NAPB: variants seen among roughly 807,000 people sequenced by gnomAD.
NAPB encodes the protein beta-soluble NSF attachment protein.
In NAPB, 26 loss-of-function variants were observed where a neutral mutation model predicts 44.7. The ratio of observed to expected loss-of-function variants is 0.58; its 90% confidence interval spans 0.43 to 0.81. The LOEUF (loss-of-function observed/expected upper bound fraction) is 0.81. Among genes scored for constraint, NAPB ranks in the 30% least tolerant of loss-of-function variants. The probability of loss-of-function intolerance (pLI) is 0.00; values close to 1 mark genes in which losing one functional copy is unlikely to be tolerated. For synonymous variants in NAPB, 120 were observed against 116.8 expected (o/e 1.03, Z -0.18); for missense variants, 315 against 356.4 (o/e 0.88, Z 0.94).
At chr20:23,417,697 T>C (rs1187121159) in intron 1 of NAPB, among the ~76,000 whole-genome samples, 2 of 152,064 alleles carry the variant, frequency 1.3e-5, no homozygotes, top group African/African-American at 2.4e-5. Flanking sequence ...ATTCCACAAC[T>C]ACAAAAGCAC....
intron 8 of NAPB, 97 bp downstream of exon 8, chr20:23,381,116 G>C: frequency 1.2e-6 from 1 of 830,760 alleles, no homozygotes; most frequent in Admixed American, 1.9e-5. Flanking sequence ...TTTATTCTTG[G>C]TACTAACATC....
In NAPB at chr20:23,379,456, A is replaced by T; in HGVS notation, c.775T>A (p.Tyr259Asn). The T allele has an allele frequency of 6.2e-7, 1 of 1,606,502 alleles. No homozygotes were observed. Among genetic ancestry groups the T allele is most frequent in the Non-Finnish European group, 8.5e-7 (1 of 1,177,924 alleles). ...EAHEEQNSEA[Y>N]TEAVKEFDSI... ...AAAGCATAACTTACTGCTTCAGTGTAAGCTTCACTGTTCTGTTCTTCATGA... is the reference window on the plus strand; with the variant it reads ...AAAGCATAACTTACTGCTTCAGTGTTAGCTTCACTGTTCTGTTCTTCATGA... The change falls in exon 10 of 11, where the codon TAC (tyrosine) becomes AAC (asparagine). Residue 259 changes from tyrosine to asparagine, a missense_variant. This residue lies in a region of NAPB where 120 missense variants were observed against 130.5 expected (regional missense o/e 0.92). Transcript: ENST00000377026.
rs1483788223 is a variant in NAPB, at chr20:23,376,380, G to A, written c.*996C>T. 6.6e-6 allele frequency: 1 copy of A among 152,150 alleles called. No homozygotes were observed. Among genetic ancestry groups the A allele is most frequent in the East Asian group, 1.9e-4 (1 of 5,196 alleles). The allele number at this position is 152,150 out of a possible 1,614,324, so 9.4% of individuals were successfully genotyped here. A position where few individuals can be genotyped will look rare whatever the true frequency, so the allele number is the denominator to read the frequency against. ...GGTTCTTGCCCACTTGGGCATACAG[G>A]ACATTCCTGTACCACATTCACCCCA... On this transcript the variant is annotated 3_prime_UTR_variant, in exon 11 of 11. Transcript: ENST00000377026.
chr20:23,415,206 T>C (rs2123264696), intron 1 of NAPB, among the ~76,000 whole-genome samples: 1 of 152,324 alleles, frequency 6.6e-6, no homozygotes, highest in African/African-American at 2.4e-5. Flanking sequence ...AATATGGTGG[T>C]AACCATCAGA....
At chr20:23,409,033 G>A (rs1385512155) in intron 1 of NAPB, among the ~76,000 whole-genome samples, 1 of 152,218 alleles carries the variant, frequency 6.6e-6, no homozygotes, top group Non-Finnish European at 1.5e-5. Context: ...CCCAAGGTAT[G>A]GTGGAAAGGC....
chr20:23,379,362 A>G, intron 10 of NAPB, 83 bp downstream of exon 10: 3 of 1,073,022 alleles, frequency 2.8e-6, no homozygotes, highest in Non-Finnish European at 4.1e-6. Context: ...ATAAATGTTT[A>G]GAATTCACAT....
At chr20:23,395,986 A>C (rs2123193689) in intron 3 of NAPB, among the ~76,000 whole-genome samples, 1 of 152,364 alleles carries the variant, frequency 6.6e-6, no homozygotes, top group Middle Eastern at 3.4e-3. Flanking sequence ...TACATAAAAA[A>C]TGTGGATCCC....
At chr20:23,418,729 C>T (rs1049534275) in intron 1 of NAPB, among the ~76,000 whole-genome samples, 14 of 149,124 alleles carry the variant, frequency 9.4e-5, no homozygotes, top group Non-Finnish European at 1.8e-4. Flanking sequence ...CGAGGTCAGG[C>T]ATTCGAGACC....
At chr20:23,409,497 A>T (rs1600595790) in intron 1 of NAPB, among the ~76,000 whole-genome samples, 2 of 152,374 alleles carry the variant, frequency 1.3e-5, no homozygotes, top group East Asian at 3.9e-4. Context: ...CCTATTTATA[A>T]AACAAAACAA....
intron 1 of NAPB, among the ~76,000 whole-genome samples, chr20:23,415,938 C>A (rs1985977769): frequency 6.6e-6 from 1 of 152,096 alleles, no homozygotes; most frequent in South Asian, 2.1e-4. Flanking sequence ...TGCCTTCCAG[C>A]CTAGGCAACA....
chr20:23,413,323 G>A (rs1985786377), intron 1 of NAPB, among the ~76,000 whole-genome samples: 1 of 151,538 alleles, frequency 6.6e-6, no homozygotes, highest in African/African-American at 2.4e-5. Flanking sequence ...GCAACAAAGG[G>A]GAAACAAACT....
At chr20:23,407,595 CTCT>C (rs1451987066) in intron 1 of NAPB, among the ~76,000 whole-genome samples, 1 of 152,088 alleles carries the variant, frequency 6.6e-6, no homozygotes, top group Admixed American at 6.6e-5. Flanking sequence ...AAGGCAGACT[CTCT>C]TCTTCTTGAC....
chr20:23,397,952 T>C (rs1282724138), intron 2 of NAPB, among the ~76,000 whole-genome samples: 1 of 151,850 alleles, frequency 6.6e-6, no homozygotes, highest in Non-Finnish European at 1.5e-5. Context: ...GATTCTGGAG[T>C]GCTGGAAAAG....
intron 5 of NAPB, 49 bp downstream of exon 5, chr20:23,394,873 T>A: frequency 6.4e-7 from 1 of 1,567,238 alleles, no homozygotes; most frequent in Non-Finnish European, 8.8e-7. Context: ...GTTCTTTGAG[T>A]CAGCTTATCT....
chr20:23,404,357 A>T (rs1291478107), intron 1 of NAPB, among the ~76,000 whole-genome samples: 1 of 152,204 alleles, frequency 6.6e-6, no homozygotes, highest in African/African-American at 2.4e-5. Flanking sequence ...GTATGAACAC[A>T]TGTACATGAA....
At chr20:23,420,502 A>C (rs1986312592) in intron 1 of NAPB, among the ~76,000 whole-genome samples, 2 of 152,012 alleles carry the variant, frequency 1.3e-5, no homozygotes, top group Admixed American at 1.3e-4. Context: ...GGCGGGGCCC[A>C]CCTGCAGGCG....
Position 23,397,118 on chromosome 20 carries a change from G to C in NAPB, c.249C>G (p.Thr83=), listed in dbSNP as rs760759353. 2 of 1,613,794 alleles carry C rather than the reference G, an allele frequency of 1.2e-6. No individual in the cohort carries two copies. The highest frequency in any genetic ancestry group is 1.7e-6 in the Non-Finnish European group (2 of 1,179,750). ...MQLQSKHDSA[T]SFVDAGNAYK... Reference sequence around the variant, plus strand: ...AAGCATTTCCAGCATCCACAAAGCTGGTAGCAGAGTCATGTTTGCTCTGAA... The same window carrying C: ...AAGCATTTCCAGCATCCACAAAGCTCGTAGCAGAGTCATGTTTGCTCTGAA... The change falls in exon 3 of 11, where the codon ACC becomes ACG. Residue 83 remains threonine, a synonymous_variant. Transcript: ENST00000377026.
At chr20:23,411,913 G>A (rs890739829) in intron 1 of NAPB, among the ~76,000 whole-genome samples, 8 of 152,076 alleles carry the variant, frequency 5.3e-5, no homozygotes, top group Admixed American at 2.6e-4. Context: ...TCATATACTC[G>A]TCATTTTCAG....
intron 9 of NAPB, 84 bp from the exon 10 acceptor site, chr20:23,379,579 G>A (rs1265191071): frequency 2.8e-6 from 3 of 1,072,438 alleles, no homozygotes; most frequent in Admixed American, 2.4e-5. Flanking sequence ...TAATACCAAT[G>A]TTGCCAAATA....
Sources: allele counts gnomAD v4.1 joint callset (sites outside exome capture counted in the v4.1 genomes callset), GRCh38; gene constraint gnomAD v4.1.1; regional missense constraint gnomAD v4.1.1; transcripts MANE v1.5; gene names NCBI Gene and HGNC (gene_info 2026-07-23, HGNC 2026-07-21).